The following STK16 variants were observed in gnomAD, a reference collection of about 807,000 sequenced individuals.
The protein encoded by STK16 is serine/threonine kinase 16, also known as serine/threonine-protein kinase 16.
In STK16, 28 loss-of-function variants were observed where a neutral mutation model predicts 37.8. That is an observed-to-expected ratio of 0.74 (90% confidence interval 0.55 to 1.02). The LOEUF (loss-of-function observed/expected upper bound fraction) is 1.02, where lower values mean the gene tolerates loss of function less well. Among genes scored for constraint, STK16 ranks in the 50% least tolerant of loss-of-function variants. STK16 has a pLI of 0.00. For synonymous variants in STK16, 134 were observed against 155.0 expected, an observed-to-expected ratio of 0.86 and a Z score of 1.01; for missense variants, 349 against 390.6, an observed-to-expected ratio of 0.89 and a Z score of 0.90.
Position 219,246,183 on chromosome 2 carries a change from C to T in STK16, c.86+98C>T, listed in dbSNP as rs558802589. On this transcript the variant is annotated intron_variant, in intron 2 of 7. Coordinates refer to ENST00000396738, the MANE Select transcript of STK16 (RefSeq NM_001330213.2). This position sits in a 1 kb window ranked among gnomAD's most constrained non-coding sequence, Gnocchi z 4.5. ...GGGGCACAAGGGTTTTATCCCTATC[C>T]CTGTCCTCTCTCACCTGACAGAACC... 2 of 1,031,344 alleles carry T rather than the reference C, an allele frequency of 1.9e-6. No individual in the cohort carries two copies. Among genetic ancestry groups the T allele is most frequent in the Non-Finnish European group, 2.9e-6 (2 of 689,912 alleles). The allele number at this position is 1,031,344 out of a possible 1,614,324, so 63.9% of individuals were successfully genotyped here.
intron 3 of STK16, 89 bp from the exon 4 acceptor site, chr2:219,247,024 G>T: frequency 1.3e-6 from 2 of 1,581,784 alleles, no homozygotes; most frequent in South Asian, 2.3e-5. Context: ...TCATGAAAGG[G>T]CTGATAGGCT....
Position 219,247,108 on chromosome 2 carries a change from T to G in STK16, c.307-5T>G, listed in dbSNP as rs371211468. On this transcript the variant is annotated splice_polypyrimidine_tract_variant and splice_region_variant and intron_variant, in intron 3 of 7. Coordinates refer to ENST00000396738, the MANE Select transcript of STK16 (RefSeq NM_001330213.2). ...TCTCCAACTGTAGGGAAACTTGTGT[T>G]GCAGAGAGGTACGCTGTGGAATGAG... The G allele has an allele frequency of 6.2e-7, 1 of 1,614,074 alleles. No homozygotes were observed. Among genetic ancestry groups the G allele is most frequent in the Non-Finnish European group, 8.5e-7 (1 of 1,180,042 alleles).
chr2:219,245,937 A>G lies in STK16; in HGVS notation c.-63A>G. 4 of 1,389,402 alleles carry G rather than the reference A, an allele frequency of 2.9e-6. No homozygotes were observed. Among genetic ancestry groups the G allele is most frequent in the Non-Finnish European group, 3.0e-6 (3 of 989,696 alleles). 86.1% of individuals were successfully genotyped at this position (1,389,402 alleles called of 1,614,324 possible). ...CCCAGCGCATCTCCTGGAAGAGCCC[A>G]CTCACCCTGGACGAGCTCTTCGGTA... On this transcript the variant is annotated 5_prime_UTR_variant, in exon 2 of 8. Transcript: ENST00000396738.
Position 219,248,089 on chromosome 2 carries a change from A to G in STK16, c.658-104A>G, listed in dbSNP as rs919657790. On this transcript the variant is annotated intron_variant, in intron 6 of 7. Transcript: ENST00000396738. ...CTGGTGGTGCCATGTGGCTGAGGTC[A>G]GCGTATTCTTTTTAGCTTATGGAGT... 2.0e-5 allele frequency: 30 copies of G among 1,528,102 alleles called. No homozygotes were observed. The Middle Eastern group carries it at 6.9e-4, about 35-fold the overall frequency. The allele number at this position is 1,528,102 out of a possible 1,614,324, so 94.7% of individuals were successfully genotyped here. A position where few individuals can be genotyped will look rare whatever the true frequency, so the allele number is the denominator to read the frequency against.
In STK16 at chr2:219,247,731, G is replaced by A. The variant is rs893104841; in HGVS notation, c.631G>A (p.Val211Ile). Residue 211 changes from valine to isoleucine, a missense_variant, in exon 6 of 8, where the codon GTC becomes ATC. Val to Ile is a conservative substitution (Grantham distance 29). Transcript: ENST00000396738. Reference sequence around the variant, plus strand: ...GCTCTTCTCTGTGCAGAGTCACTGTGTCATCGATGAGCGGACTGATGTCTG... The same window carrying A: ...GCTCTTCTCTGTGCAGAGTCACTGTATCATCGATGAGCGGACTGATGTCTG... ...PELFSVQSHC[V>I]IDERTDVWSL... 6.3e-6 allele frequency: 10 copies of A among 1,594,398 alleles called. No individual in the cohort carries two copies. Among genetic ancestry groups the A allele is most frequent in the Non-Finnish European group, 8.6e-6 (10 of 1,169,568 alleles).
intron 6 of STK16, 22 bp from the exon 7 acceptor site, chr2:219,248,171 G>A: frequency 1.9e-6 from 3 of 1,613,698 alleles, no homozygotes; most frequent in Middle Eastern, 3.3e-4. Flanking sequence ...CCCCTTCTAG[G>A]GACTAATCAA....
At position 219,246,430 on chromosome 2, in the gene STK16, C is replaced by T. The variant is rs2125064747; in HGVS notation, c.87-227C>T. The T allele has an allele frequency of 3.2e-6, 2 of 617,294 alleles. No homozygotes were observed. Among genetic ancestry groups the T allele is most frequent in the East Asian group, 5.5e-5 (2 of 36,302 alleles). 38.2% of individuals were successfully genotyped at this position (617,294 alleles called of 1,614,324 possible). ...GTGTTGGCTATTATTTATTTAGCAT[C>T]TGTCAAGTGCAGAGGTCTCTATTAC... On this transcript the variant is annotated intron_variant, in intron 2 of 7. Transcript: ENST00000396738. The surrounding 1 kb of genome is among the most constrained non-coding windows in gnomAD (Gnocchi z 4.5).
rs117572162 is a variant in STK16 at position 219,247,109 on chromosome 2, G to C, written c.307-4G>C. The stretch of plus-strand genomic sequence containing the variant: ...CTCCAACTGTAGGGAAACTTGTGTT[G>C]CAGAGAGGTACGCTGTGGAATGAGA... On this transcript the variant is annotated splice_polypyrimidine_tract_variant and splice_region_variant and intron_variant, in intron 3 of 7. Transcript: ENST00000396738. 119 of 1,614,214 alleles carry C rather than the reference G, an allele frequency of 7.4e-5. No individual in the cohort carries two copies. The East Asian group carries it at 2.1e-3, about 29-fold the overall frequency.
chr2:219,246,982 G>GGCCACTTTAGATT lies in STK16; in HGVS notation c.306+107_307-118dup. ...GAAGCAGGGACCATGTCCTGGGTTTGGCCACTTTAGATTTTGAGTTTGAGG... is the reference window on the plus strand; with the variant it reads ...GAAGCAGGGACCATGTCCTGGGTTTGGCCACTTTAGATTGCCACTTTAGATTTTGAGTTTGAGG... On this transcript the variant is annotated intron_variant, in intron 3 of 7. Coordinates refer to ENST00000396738, the MANE Select transcript of STK16 (RefSeq NM_001330213.2). The surrounding 1 kb of genome is among the most constrained non-coding windows in gnomAD (Gnocchi z 4.5). The GGCCACTTTAGATT allele has an allele frequency of 6.5e-7, 1 of 1,527,348 alleles. No homozygotes were observed. Among genetic ancestry groups the GGCCACTTTAGATT allele is most frequent in the Non-Finnish European group, 8.9e-7 (1 of 1,128,134 alleles). 94.6% of individuals were successfully genotyped at this position (1,527,348 alleles called of 1,614,324 possible).
chr2:219,248,742 A>C lies in STK16; in HGVS notation c.*183A>C. 3.4e-6 allele frequency: 1 copy of C among 292,324 alleles called. No homozygotes were observed. 18.1% of individuals were successfully genotyped at this position (292,324 alleles called of 1,614,324 possible). On this transcript the variant is annotated 3_prime_UTR_variant, in exon 8 of 8. Transcript: ENST00000396738. ...TCCCTCCAAGAGCAAAACCTGGGCAAGGGGACTTACTGAGTGGGGGTGGGT... is the reference window on the plus strand; with the variant it reads ...TCCCTCCAAGAGCAAAACCTGGGCACGGGGACTTACTGAGTGGGGGTGGGT...
In STK16 at chr2:219,247,111, A is replaced by G; in HGVS notation, c.307-2A>G. ...CCAACTGTAGGGAAACTTGTGTTGC[A>G]GAGAGGTACGCTGTGGAATGAGATA... is the stretch of plus-strand genomic sequence containing the variant. On this transcript the variant is annotated splice_acceptor_variant, in intron 3 of 7. Coordinates refer to ENST00000396738, the MANE Select transcript of STK16 (RefSeq NM_001330213.2). LOFTEE classifies it high-confidence loss of function. The G allele has an allele frequency of 1.2e-6, 2 of 1,614,224 alleles. No homozygotes were observed. The highest frequency in any genetic ancestry group is 1.7e-6 in the Non-Finnish European group (2 of 1,180,038).
rs3731887 is a variant in STK16 at position 219,248,961 on chromosome 2, A to T, written c.*402A>T. The T allele has an allele frequency of 0.087, 14,795 of 170,256 alleles. 1,750 individuals are homozygous for T. Among genetic ancestry groups the T allele is most frequent in the African/African-American group, 0.28 (11,788 of 42,006 alleles). The allele number at this position is 170,256 out of a possible 1,614,324, so 10.5% of individuals were successfully genotyped here. ...GAAGAGGTGCAAGGGGCCCAAAGTC[A>T]GGTTGCCATTTCAGGCGAACTGCCT... On this transcript the variant is annotated 3_prime_UTR_variant, in exon 8 of 8. Coordinates refer to ENST00000396738, the MANE Select transcript of STK16 (RefSeq NM_001330213.2).
chr2:219,245,799 A>G lies in STK16; in HGVS notation c.-105+3A>G. ...GCCTGTTTTCTCTACACTATAGTGT[A>G]GGTTCCAGAGACCTGGGCCTGAGCT... On this transcript the variant is annotated splice_donor_region_variant and intron_variant, in intron 1 of 7. Coordinates refer to ENST00000396738, the MANE Select transcript of STK16 (RefSeq NM_001330213.2). 2.0e-6 allele frequency: 1 copy of G among 504,160 alleles called. No individual in the cohort carries two copies. Among genetic ancestry groups the G allele is most frequent in the Non-Finnish European group, 3.6e-6 (1 of 280,108 alleles). The allele number at this position is 504,160 out of a possible 1,614,324, so 31.2% of individuals were successfully genotyped here.
chr2:219,248,661 GGGGGTAGC>G lies in STK16; in HGVS notation c.*108_*115del. On this transcript the variant is annotated 3_prime_UTR_variant, in exon 8 of 8. Coordinates refer to ENST00000396738, the MANE Select transcript of STK16 (RefSeq NM_001330213.2). ...TCCATCCAGGACTTCTCTTACACTT[GGGGGTAGC>G]GGGGTCAGGACAATCATCTCAGTCC... 5 of 1,443,950 alleles carry G rather than the reference GGGGGTAGC, an allele frequency of 3.5e-6. No individual in the cohort carries two copies. In the South Asian group the frequency reaches 6.7e-5, roughly 19 times the overall value. The allele number at this position is 1,443,950 out of a possible 1,614,324, so 89.4% of individuals were successfully genotyped here. A position where few individuals can be genotyped will look rare whatever the true frequency, so the allele number is the denominator to read the frequency against.
Position 219,246,220 on chromosome 2 carries a change from T to G in STK16, c.86+135T>G. The G allele has an allele frequency of 1.4e-6, 1 of 729,728 alleles. No homozygotes were observed. Among genetic ancestry groups the G allele is most frequent in the South Asian group, 1.9e-5 (1 of 53,578 alleles). The allele number at this position is 729,728 out of a possible 1,614,324, so 45.2% of individuals were successfully genotyped here. A position where few individuals can be genotyped will look rare whatever the true frequency, so the allele number is the denominator to read the frequency against. On this transcript the variant is annotated intron_variant, in intron 2 of 7. Transcript: ENST00000396738. The surrounding 1 kb of genome is among the most constrained non-coding windows in gnomAD (Gnocchi z 4.5). Reference sequence around the variant, plus strand: ...CACCTGACAGAACCTAGCTACACAGTATCAAGAAGGTGGATTCTGGAGCCA... The same window carrying G: ...CACCTGACAGAACCTAGCTACACAGGATCAAGAAGGTGGATTCTGGAGCCA...
Position 219,246,444 on chromosome 2 carries a change from G to C in STK16, c.87-213G>C. On this transcript the variant is annotated intron_variant, in intron 2 of 7. Coordinates refer to ENST00000396738, the MANE Select transcript of STK16 (RefSeq NM_001330213.2). The surrounding 1 kb of genome is among the most constrained non-coding windows in gnomAD (Gnocchi z 4.5). ...TTATTTAGCATCTGTCAAGTGCAGA[G>C]GTCTCTATTACGACCATAGGACCTC... 1.6e-6 allele frequency: 1 copy of C among 627,730 alleles called. No individual in the cohort carries two copies. The highest frequency in any genetic ancestry group is 2.9e-6 in the Non-Finnish European group (1 of 341,094). The allele number at this position is 627,730 out of a possible 1,614,324, so 38.9% of individuals were successfully genotyped here.
At chr2:219,247,630 C>A in intron 5 of STK16, 32 bp from the exon 6 acceptor site, 1 of 1,613,524 alleles carries the variant, frequency 6.2e-7, no homozygotes, top group Non-Finnish European at 8.5e-7. Flanking sequence ...TGACCTGTGC[C>A]CCACTTTTGA....
In STK16 at chr2:219,250,136, G is replaced by T; in HGVS notation, c.*1577G>T. Reference sequence around the variant, plus strand: ...AGGACTTCAATTTAAAGTCCCTGGGGTTATGCTTCCTGGGCCTGGCAAGAA... The same window carrying T: ...AGGACTTCAATTTAAAGTCCCTGGGTTTATGCTTCCTGGGCCTGGCAAGAA... On this transcript the variant is annotated 3_prime_UTR_variant, in exon 8 of 8. Coordinates refer to ENST00000396738, the MANE Select transcript of STK16 (RefSeq NM_001330213.2). This position sits in a 1 kb window ranked among gnomAD's most constrained non-coding sequence, Gnocchi z 8.4. The T allele has an allele frequency of 2.9e-6, 2 of 701,374 alleles. No homozygotes were observed. Among genetic ancestry groups the T allele is most frequent in the Non-Finnish European group, 4.8e-6 (2 of 415,684 alleles). 43.4% of individuals were successfully genotyped at this position (701,374 alleles called of 1,614,324 possible).
Position 219,248,621 on chromosome 2 carries a change from G to A in STK16, c.*62G>A. 1 of 1,549,674 alleles carries A rather than the reference G, an allele frequency of 6.5e-7. No homozygotes were observed. Among genetic ancestry groups the A allele is most frequent in the Non-Finnish European group, 8.7e-7 (1 of 1,145,860 alleles). The stretch of plus-strand genomic sequence containing the variant: ...TGGAAAGAGGTTCCCATCCCTCATT[G>A]GAATCACCACCCATTCCATCCAGGA... On this transcript the variant is annotated 3_prime_UTR_variant, in exon 8 of 8. Transcript: ENST00000396738.
Sources: allele counts gnomAD v4.1 joint callset, GRCh38; gene constraint gnomAD v4.1.1; non-coding constraint Gnocchi (gnomAD v3.1); transcripts MANE v1.5; gene names NCBI Gene and HGNC (gene_info 2026-07-23, HGNC 2026-07-21).